Variants in VPS13B observed in about 807,000 individuals in gnomAD.
The protein encoded by VPS13B is vacuolar protein sorting 13 homolog B.
VPS13B carries 285 observed loss-of-function variants against 426.4 expected under a neutral mutation model. That is an observed-to-expected ratio of 0.67 (90% confidence interval 0.61 to 0.74). The LOEUF (loss-of-function observed/expected upper bound fraction) is 0.74, where lower values mean the gene tolerates loss of function less well. Ranked by LOEUF, VPS13B falls within the 30% of genes least tolerant of loss-of-function variation. The probability of loss-of-function intolerance (pLI) is 0.00; values close to 1 mark genes in which losing one functional copy is unlikely to be tolerated. For synonymous variants in VPS13B, 1,676 were observed against 1,676.4 expected, an observed-to-expected ratio of 1.00 and a Z score of 0.01; for missense variants, 4,537 against 4,782.6, an observed-to-expected ratio of 0.95 and a Z score of 1.51.
chr8:99,821,347 A>C lies in VPS13B; in HGVS notation c.9048A>C (p.Ser3016=), dbSNP rs764745288. The part of the protein sequence containing the change: ...YWANTNTVHK[S]VAIKLVHNLT... ...CAAATACAAACACTGTGCACAAGTC[A>C]GTAGCAATTAAACTGGTCCATAACC... Residue 3016 remains serine, a synonymous_variant, in exon 50 of 62, where the codon TCA becomes TCC. Transcript: ENST00000357162. The C allele has an allele frequency of 6.2e-7, 1 of 1,613,902 alleles. No homozygotes were observed. Among genetic ancestry groups the C allele is most frequent in the Non-Finnish European group, 8.5e-7 (1 of 1,179,834 alleles).
chr8:99,314,295 C>T (rs191023088), intron 19 of VPS13B, among the ~76,000 whole-genome samples: 4 of 152,044 alleles, frequency 2.6e-5, no homozygotes, highest in South Asian at 2.1e-4. Context: ...TGTTCCTATT[C>T]GGCCATCTTG....
intron 34 of VPS13B, among the ~76,000 whole-genome samples, chr8:99,652,466 G>A (rs963741803): frequency 2.6e-5 from 4 of 151,754 alleles, no homozygotes; most frequent in Non-Finnish European, 4.4e-5. Flanking sequence ...TTAAAGTAGT[G>A]GTTGTAAATG....
At chr8:99,274,518 T>C (rs963776016) in intron 18 of VPS13B, among the ~76,000 whole-genome samples, 186 bp downstream of exon 18, 1 of 151,558 alleles carries the variant, frequency 6.6e-6, no homozygotes, top group African/African-American at 2.4e-5. Context: ...CAAATTTTTA[T>C]TTAGGGAAAA....
At chr8:99,721,096 T>A in intron 39 of VPS13B, 49 bp downstream of exon 39, 1 of 1,585,128 alleles carries the variant, frequency 6.3e-7, no homozygotes, top group Non-Finnish European at 8.7e-7. Flanking sequence ...GGGAAAGGGC[T>A]GATCATATAT....
At chr8:99,353,094 G>A (rs1346917097) in intron 19 of VPS13B, among the ~76,000 whole-genome samples, 1 of 151,788 alleles carries the variant, frequency 6.6e-6, no homozygotes, top group African/African-American at 2.4e-5. Flanking sequence ...CAATTCTTGT[G>A]CTTCATCCTC....
At chr8:99,219,547 T>G (rs924395033) in intron 17 of VPS13B, among the ~76,000 whole-genome samples, 2 of 152,242 alleles carry the variant, frequency 1.3e-5, no homozygotes, top group African/African-American at 4.8e-5. Flanking sequence ...TTCTGGAGGC[T>G]GAGAGGTCAA....
intron 3 of VPS13B, among the ~76,000 whole-genome samples, chr8:99,087,943 G>C (rs1845924895): frequency 6.6e-6 from 1 of 151,910 alleles, no homozygotes; most frequent in Non-Finnish European, 1.5e-5. Context: ...CAGCACTTTG[G>C]GAGGCCGAAG....
intron 17 of VPS13B, among the ~76,000 whole-genome samples, chr8:99,263,561 A>G (rs1818159337): frequency 6.6e-6 from 1 of 152,110 alleles, no homozygotes; most frequent in African/African-American, 2.4e-5. Flanking sequence ...AATTTCCTGA[A>G]TTCCTTGGCC....
At chr8:99,378,017 G>T (rs984127211) in intron 19 of VPS13B, among the ~76,000 whole-genome samples, 1 of 151,960 alleles carries the variant, frequency 6.6e-6, no homozygotes, top group Non-Finnish European at 1.5e-5. Context: ...ACTAGAATTC[G>T]CCAGGCTGGA....
intron 19 of VPS13B, among the ~76,000 whole-genome samples, chr8:99,362,474 G>A (rs1244872270): frequency 2.0e-5 from 3 of 152,084 alleles, no homozygotes; most frequent in Non-Finnish European, 4.4e-5. Flanking sequence ...TTTCATTATA[G>A]TGGATAACTA....
At chr8:99,696,368 G>C in intron 35 of VPS13B, 1 of 300,478 alleles carries the variant, frequency 3.3e-6, no homozygotes, top group Non-Finnish European at 6.6e-6. Context: ...CTTGGCTTCT[G>C]CCTGCTGTGG....
intron 21 of VPS13B, among the ~76,000 whole-genome samples, chr8:99,421,069 C>T (rs755368559): frequency 6.6e-6 from 1 of 152,020 alleles, no homozygotes; most frequent in Non-Finnish European, 1.5e-5. Flanking sequence ...AGGTGGAAGT[C>T]GGAAACCTGA....
In VPS13B at chr8:99,511,214, G is replaced by A. The variant is rs781336187; in HGVS notation, c.4335G>A (p.Glu1445=). The A allele has an allele frequency of 1.9e-6, 3 of 1,614,038 alleles. No individual in the cohort carries two copies. Among genetic ancestry groups the A allele is most frequent in the African/African-American group, 1.3e-5 (1 of 75,038 alleles). The change falls in exon 29 of 62, where the codon GAG becomes GAA. Residue 1445 remains glutamate (E), a synonymous_variant. Coordinates refer to ENST00000357162, the MANE Select transcript of VPS13B (RefSeq NM_152564.5). ...GCCACAAGTTAACATCAAGAAATGA[G>A]CGAAGAAGTTTTCATAAGTTATCTG... is the stretch of plus-strand genomic sequence containing the variant. The part of the protein sequence containing the change: ...NVRHKLTSRN[E]RRSFHKLSEG...
chr8:99,175,634 A>T (rs1215564344), intron 16 of VPS13B, among the ~76,000 whole-genome samples: 1 of 152,132 alleles, frequency 6.6e-6, no homozygotes, highest in Non-Finnish European at 1.5e-5. Flanking sequence ...GCATGTGCCT[A>T]TAGTCTCAGC....
At chr8:99,390,080 T>A (rs1224443040) in intron 20 of VPS13B, among the ~76,000 whole-genome samples, 5 of 152,048 alleles carry the variant, frequency 3.3e-5, no homozygotes, top group African/African-American at 1.2e-4. Flanking sequence ...GATAATTTAT[T>A]TAATCTTTTC....
intron 17 of VPS13B, among the ~76,000 whole-genome samples, chr8:99,242,574 T>C (rs1816992367): frequency 6.6e-6 from 1 of 152,196 alleles, no homozygotes; most frequent in South Asian, 2.1e-4. Context: ...TTAATGGTAA[T>C]GTAAAAATAC....
At chr8:99,470,510 CATATTATGTGGGCTTA>C (rs1819345805) in intron 24 of VPS13B, among the ~76,000 whole-genome samples, 1 of 151,854 alleles carries the variant, frequency 6.6e-6, no homozygotes, top group Non-Finnish European at 1.5e-5. Context: ...GGAAGAAAAC[CATATTATGTGGGCTTA>C]AAGGTAGCTT....
At chr8:99,420,815 A>G (rs1392223260) in intron 21 of VPS13B, among the ~76,000 whole-genome samples, 5 of 152,202 alleles carry the variant, frequency 3.3e-5, no homozygotes, top group African/African-American at 1.2e-4. Context: ...TTGGGAAATC[A>G]GTTACCATTT....
At chr8:99,444,017 T>TA (rs1243879807) in intron 23 of VPS13B, among the ~76,000 whole-genome samples, 6 of 152,010 alleles carry the variant, frequency 3.9e-5, no homozygotes, top group African/African-American at 1.4e-4. Context: ...CTTTTTTTTT[T>TA]TATTTTGTTC....
Sources: gnomAD v4.1 joint callset for allele counts (sites outside exome capture counted in the v4.1 genomes callset) on GRCh38, gnomAD v4.1.1 for gene constraint, MANE v1.5 for transcripts, NCBI Gene and HGNC (gene_info 2026-07-23, HGNC 2026-07-21) for gene names.